Variants in CEP120 observed in about 807,000 individuals in gnomAD.
CEP120 encodes centrosomal protein 120.
A neutral mutation model predicts 126.5 loss-of-function variants in CEP120; 113 were observed. The observed-to-expected ratio is 0.89, with a 90% CI of 0.77 to 1.04. CEP120 has a LOEUF of 1.04. Ranked by LOEUF, CEP120 falls within the 50% of genes least tolerant of loss-of-function variation. The probability of loss-of-function intolerance (pLI) is 0.00; values close to 1 mark genes in which losing one functional copy is unlikely to be tolerated. For missense variants in CEP120, 1,230 were observed against 1,155.7 expected, an observed-to-expected ratio of 1.06 and a Z score of -0.93; for synonymous variants, 400 against 394.3, an observed-to-expected ratio of 1.01 and a Z score of -0.17.
At chr5:123,390,845 G>C (rs1772343269) in intron 7 of CEP120, 1 of 325,870 alleles carries the variant, frequency 3.1e-6, no homozygotes, top group South Asian at 7.4e-5. Context: ...TCCTTTTCTG[G>C]AGTTGGGGGT....
chr5:123,360,887 T>C (rs990296741), intron 18 of CEP120, among the ~76,000 whole-genome samples: 4 of 151,846 alleles, frequency 2.6e-5, no homozygotes, highest in African/African-American at 7.2e-5. Flanking sequence ...TGTTTACTTA[T>C]ATTATTTTTT....
Position 123,346,676 on chromosome 5 carries a change from C to G in CEP120, c.2804G>C (p.Ser935Thr). Residue 935 changes from serine to threonine, a missense_variant, in exon 20 of 20, where the codon AGT (serine) becomes ACT (threonine). Coordinates refer to ENST00000306467, the MANE Select transcript of CEP120 (RefSeq NM_001375405.1). ...ASGKKDGPHG[S>T]VLEEGLDDYL... Reference sequence around the variant, plus strand: ...ATCATCCAAACCTTCTTCCAATACACTGCCATGGGGGCCATCCTTTTTTCC... The same window carrying G: ...ATCATCCAAACCTTCTTCCAATACAGTGCCATGGGGGCCATCCTTTTTTCC... 6.2e-7 allele frequency: 1 copy of G among 1,613,926 alleles called. No homozygotes were observed. The highest frequency in any genetic ancestry group is 8.5e-7 in the Non-Finnish European group (1 of 1,179,932).
intron 5 of CEP120, among the ~76,000 whole-genome samples, chr5:123,397,727 T>C (rs1044495616): frequency 6.6e-6 from 1 of 152,166 alleles, no homozygotes; most frequent in Non-Finnish European, 1.5e-5. Flanking sequence ...CAAATAAAAT[T>C]GTGGCCACTA....
intron 16 of CEP120, among the ~76,000 whole-genome samples, chr5:123,373,491 AAC>A (rs1287035992): frequency 6.6e-6 from 1 of 152,070 alleles, no homozygotes; most frequent in African/African-American, 2.4e-5. Context: ...GTGTCCAAAG[AAC>A]AGGAGCATAA....
rs1051397593 is a variant in CEP120, at chr5:123,346,225, A to AAACTT, written c.*289_*293dup. ...TTACCGCAGTCATTTCTCCTACAAC[A>AAACTT]AACTTAGTTAAAAGCTGTTTTGAAA... On this transcript the variant is annotated 3_prime_UTR_variant, in exon 20 of 20. Coordinates refer to ENST00000306467, the MANE Select transcript of CEP120 (RefSeq NM_001375405.1). 1.0e-4 allele frequency: 29 copies of AAACTT among 278,746 alleles called. No individual in the cohort carries two copies. Among genetic ancestry groups the AAACTT allele is most frequent in the African/African-American group, 6.2e-4 (28 of 45,106 alleles). 17.3% of individuals were successfully genotyped at this position (278,746 alleles called of 1,614,324 possible). A position where few individuals can be genotyped will look rare whatever the true frequency, so the allele number is the denominator to read the frequency against.
rs1449187010 is a variant in CEP120, at chr5:123,345,281, AT to A, written c.*1237del. On this transcript the variant is annotated 3_prime_UTR_variant, in exon 20 of 20. Coordinates refer to ENST00000306467, the MANE Select transcript of CEP120 (RefSeq NM_001375405.1). ...TTAATACTCTGTTAATAAGGAAAAAATATATAATAAATATAGGGACTTTAAT... is the reference window on the plus strand; with the variant it reads ...TTAATACTCTGTTAATAAGGAAAAAAATATAATAAATATAGGGACTTTAAT... 6.6e-6 allele frequency: 1 copy of A among 152,140 alleles called. No individual in the cohort carries two copies. The highest frequency in any genetic ancestry group is 1.5e-5 in the Non-Finnish European group (1 of 68,028). The allele number at this position is 152,140 out of a possible 1,614,324, so 9.4% of individuals were successfully genotyped here.
At chr5:123,388,369 C>T in intron 9 of CEP120, 63 bp downstream of exon 9, 2 of 1,177,700 alleles carry the variant, frequency 1.7e-6, no homozygotes, top group Non-Finnish European at 1.2e-6. Flanking sequence ...TCTGCAATTC[C>T]CCAAACACAG....
chr5:123,371,829 G>A (rs1316917536), intron 17 of CEP120, among the ~76,000 whole-genome samples: 2 of 152,084 alleles, frequency 1.3e-5, no homozygotes, highest in African/African-American at 2.4e-5. Context: ...AAGCTGAGTA[G>A]GAAAAGATGG....
At chr5:123,377,852 CT>C (rs1277967663) in intron 15 of CEP120, among the ~76,000 whole-genome samples, 1 of 152,014 alleles carries the variant, frequency 6.6e-6, no homozygotes, top group East Asian at 1.9e-4. Flanking sequence ...TTCTTTTCTT[CT>C]TTTAGAAACT....
At position 123,385,027 on chromosome 5, in the gene CEP120, G is replaced by C. The variant is rs756487380; in HGVS notation, c.1687C>G (p.Arg563Gly). ...LSNILSSEKTRFLGSNGEQCW... is the reference protein window; with the variant it reads ...LSNILSSEKTGFLGSNGEQCW... ...TGTTCACCATTAGAACCTAAAAAACGAGTTTTTTCTGAAGACAAGATGTTA... is the reference window on the plus strand; with the variant it reads ...TGTTCACCATTAGAACCTAAAAAACCAGTTTTTTCTGAAGACAAGATGTTA... Residue 563 changes from arginine (R) to glycine (G), a missense_variant, in exon 11 of 20, where the codon CGT becomes GGT. Physicochemically the swap from Arg to Gly is moderately radical, Grantham distance 125. Transcript: ENST00000306467. The C allele has an allele frequency of 6.2e-7, 1 of 1,613,446 alleles. No homozygotes were observed. The highest frequency in any genetic ancestry group is 8.5e-7 in the Non-Finnish European group (1 of 1,179,674).
At chr5:123,353,158 A>C (rs1449230032) in intron 18 of CEP120, among the ~76,000 whole-genome samples, 1 of 152,008 alleles carries the variant, frequency 6.6e-6, no homozygotes, top group Non-Finnish European at 1.5e-5. Context: ...TGTTGAAAAG[A>C]AACGGTAATA....
At chr5:123,356,962 T>C (rs1404049147) in intron 18 of CEP120, among the ~76,000 whole-genome samples, 3 of 151,062 alleles carry the variant, frequency 2.0e-5, no homozygotes, top group Non-Finnish European at 4.4e-5. Context: ...AACCCAGGTA[T>C]TTCTTTTGCT....
rs139538336 is a variant in CEP120 at position 123,421,573 on chromosome 5, T to C, written c.49+1377A>G. Among the ~76,000 whole-genome samples, 147 of 152,308 alleles carry C rather than the reference T, an allele frequency of 9.7e-4. 1 individual carries two copies. Among genetic ancestry groups the C allele is most frequent in the African/African-American group, 3.4e-3 (143 of 41,564 alleles). ...TTGTCACATATCTAAAGCTCACTTA[T>C]TATTTAAAGAACTTCAGCCATCCCA... is the stretch of plus-strand genomic sequence containing the variant. On this transcript the variant is annotated intron_variant, in intron 1 of 19. Coordinates refer to ENST00000306467, the MANE Select transcript of CEP120 (RefSeq NM_001375405.1).
Position 123,390,105 on chromosome 5 carries a change from C to T in CEP120, c.1074G>A (p.Glu358=), listed in dbSNP as rs199843371. Residue 358 remains glutamate (E), a synonymous_variant, in exon 8 of 20, where the codon GAG becomes GAA. Coordinates refer to ENST00000306467, the MANE Select transcript of CEP120 (RefSeq NM_001375405.1). The part of the protein sequence containing the change: ...LIELKTQNEH[E]PEHSKKKVLT... ...AAACTTTCTTCTTTGAATGCTCTGG[C>T]TCATGTTCATTCTGGGTCTTTAATT... 102 of 1,613,794 alleles carry T rather than the reference C, an allele frequency of 6.3e-5. No homozygotes were observed. The African/African-American group carries it at 1.2e-3, about 19-fold the overall frequency.
intron 18 of CEP120, among the ~76,000 whole-genome samples, chr5:123,358,930 A>G (rs1173674926): frequency 1.3e-5 from 2 of 152,062 alleles, no homozygotes; most frequent in Non-Finnish European, 1.5e-5. Flanking sequence ...ACTTACAACT[A>G]AACTAAGGAA....
chr5:123,358,927 A>G (rs765565023), intron 18 of CEP120, among the ~76,000 whole-genome samples: 4 of 152,044 alleles, frequency 2.6e-5, no homozygotes, highest in Admixed American at 6.6e-5. Flanking sequence ...AAAACTTACA[A>G]CTAAACTAAG....
chr5:123,409,105 T>G (rs924283224), intron 4 of CEP120, among the ~76,000 whole-genome samples: 2 of 152,188 alleles, frequency 1.3e-5, no homozygotes, highest in African/African-American at 4.8e-5. Flanking sequence ...ATCCCAGGTA[T>G]GCAAGTCTGG....
intron 4 of CEP120, chr5:123,401,250 T>C: frequency 6.2e-7 from 1 of 1,611,474 alleles, no homozygotes; most frequent in Non-Finnish European, 8.5e-7. Flanking sequence ...CGCCATGTCC[T>C]GCTTGGCCCG....
At chr5:123,388,377 C>A (rs1438249722) in intron 9 of CEP120, 55 bp downstream of exon 9, 3 of 1,255,460 alleles carry the variant, frequency 2.4e-6, no homozygotes, top group African/African-American at 1.5e-5. Flanking sequence ...TCCCCAAACA[C>A]AGGAAAGTCC....
Sources: allele counts gnomAD v4.1 joint callset (sites outside exome capture counted in the v4.1 genomes callset), GRCh38; gene constraint gnomAD v4.1.1; transcripts MANE v1.5; gene names NCBI Gene and HGNC (gene_info 2026-07-23, HGNC 2026-07-21).